CLEC16A: variants seen among roughly 807,000 people sequenced by gnomAD.
CLEC16A encodes the protein C-type lectin domain containing 16A, also known as protein CLEC16A.
A neutral mutation model predicts 109.5 loss-of-function variants in CLEC16A; 51 were observed. The ratio of observed to expected loss-of-function variants is 0.47; its 90% CI spans 0.37 to 0.59. The LOEUF (loss-of-function observed/expected upper bound fraction) is 0.59, where lower values mean the gene tolerates loss of function less well. CLEC16A is among the 20% of genes least tolerant of loss of function. The pLI, the probability that CLEC16A is intolerant of heterozygous loss-of-function variation, is 0.00. For synonymous variants in CLEC16A, 673 were observed against 564.2 expected (o/e 1.19, Z -2.73); for missense variants, 1,339 against 1,394.0 (o/e 0.96, Z 0.63).
chr16:11,112,476 T>C (rs1026006935), intron 19 of CLEC16A, among the ~76,000 whole-genome samples: 11 of 113,784 alleles, frequency 9.7e-5, no homozygotes, highest in African/African-American at 4.0e-4. Flanking sequence ...CTGGACAACA[T>C]AGCAAGATCC....
intron 9 of CLEC16A, among the ~76,000 whole-genome samples, chr16:10,982,568 T>TCTTTC (rs1185207784): frequency 6.6e-6 from 1 of 152,194 alleles, no homozygotes; most frequent in Non-Finnish European, 1.5e-5. Context: ...GTTTGGCTGT[T>TCTTTC]CTTTCCCGCA....
chr16:11,095,098 T>G (rs1245120497), intron 19 of CLEC16A, among the ~76,000 whole-genome samples: 1 of 152,190 alleles, frequency 6.6e-6, no homozygotes, highest in African/African-American at 2.4e-5. Flanking sequence ...TTTTTCTTTT[T>G]TTTTTTAAGT....
At chr16:11,083,838 A>AAG in intron 19 of CLEC16A, among the ~76,000 whole-genome samples, 1 of 152,180 alleles carries the variant, frequency 6.6e-6, no homozygotes, top group Non-Finnish European at 1.5e-5. Flanking sequence ...ACCTGACATG[A>AAG]AGAGTCTGTC....
chr16:11,067,600 G>T (rs947234673), intron 19 of CLEC16A, among the ~76,000 whole-genome samples: 1 of 152,168 alleles, frequency 6.6e-6, no homozygotes, highest in African/African-American at 2.4e-5. Flanking sequence ...AGTGTTCAGG[G>T]TTCTATCTTA....
At chr16:11,075,406 G>C (rs1018461131) in intron 19 of CLEC16A, among the ~76,000 whole-genome samples, 46 of 135,174 alleles carry the variant, frequency 3.4e-4, no homozygotes, top group African/African-American at 8.5e-4. Context: ...GTGTGTGTGT[G>C]TGTGTCTGTG....
At position 10,961,773 on chromosome 16, in the gene CLEC16A, C is replaced by T. The variant is rs1001392230; in HGVS notation, c.210-682C>T. On this transcript the variant is annotated intron_variant, in intron 2 of 23. Transcript: ENST00000409790. This position sits in a 1 kb window ranked among gnomAD's most constrained non-coding sequence, Gnocchi z 4.3. ...CATTTGGTTGTCATATCTCCCCAGCCTCCTCTGTTCCGTGACTCTTTTTTA... is the reference window on the plus strand; with the variant it reads ...CATTTGGTTGTCATATCTCCCCAGCTTCCTCTGTTCCGTGACTCTTTTTTA... 1.3e-5 allele frequency among the ~76,000 whole-genome samples: 2 copies of T among 152,148 alleles called. No individual in the cohort carries two copies. The highest frequency in any genetic ancestry group is 4.8e-5 in the African/African-American group (2 of 41,426).
At chr16:11,079,733 C>T (rs970527088) in intron 19 of CLEC16A, among the ~76,000 whole-genome samples, 1 of 152,178 alleles carries the variant, frequency 6.6e-6, no homozygotes, top group Non-Finnish European at 1.5e-5. Context: ...CTCCGGTTAA[C>T]CTTTAGCCTT....
chr16:11,026,876 C>G (rs2046434931), intron 13 of CLEC16A: 1 of 661,628 alleles, frequency 1.5e-6, no homozygotes, highest in African/African-American at 1.8e-5. Flanking sequence ...TTAGCAGGAC[C>G]TCAATGGCTC....
Position 11,022,337 on chromosome 16 carries a change from CTTT to C in CLEC16A, c.1436+2034_1436+2036del, listed in dbSNP as rs36094157. On this transcript the variant is annotated intron_variant, in intron 12 of 23. Coordinates refer to ENST00000409790, the MANE Select transcript of CLEC16A (RefSeq NM_015226.3). ...GGCCAGAGTCACCATGTCTGGCTAC[CTTT>C]TTTTTTTTTTTTTTTTTTTTTGCAA... Among the ~76,000 whole-genome samples the C allele has an allele frequency of 9.3e-3, 870 of 93,420 alleles. 2 individuals carry two copies. The highest frequency in any genetic ancestry group is 0.041 in the African/African-American group (836 of 20,276). 61.3% of individuals were successfully genotyped at this position (93,420 alleles called of 152,430 possible). A position where few individuals can be genotyped will look rare whatever the true frequency, so the allele number is the denominator to read the frequency against.
chr16:11,008,819 T>C (rs1597021119), intron 11 of CLEC16A, among the ~76,000 whole-genome samples: 1 of 120,880 alleles, frequency 8.3e-6, no homozygotes, highest in Non-Finnish European at 1.7e-5. Context: ...TGACACCCCG[T>C]CTCTACTAAA....
At chr16:11,150,182 A>G (rs2054239234) in intron 22 of CLEC16A, 1 of 152,210 alleles carries the variant, frequency 6.6e-6, no homozygotes. Flanking sequence ...TGTGCCCTAC[A>G]TGGCCTTTTA....
intron 19 of CLEC16A, among the ~76,000 whole-genome samples, chr16:11,065,426 G>A (rs368015984): frequency 6.6e-6 from 1 of 152,274 alleles, no homozygotes; most frequent in South Asian, 2.1e-4. Flanking sequence ...AAATCAATTC[G>A]TGAAGCCCAT....
At chr16:10,973,887 CTTTTTTTTTTTTTTTTTTTT>C (rs569414844) in intron 7 of CLEC16A, among the ~76,000 whole-genome samples, 1,918 of 46,640 alleles carry the variant, frequency 0.041, 62 homozygotes, top group Non-Finnish European at 0.05. Context: ...GGGCTGCTTG[CTTTTTTTTTTTTTTTTTTTT>C]TTTTTTTTTT....
At chr16:11,008,608 CT>C (rs375164138) in intron 11 of CLEC16A, among the ~76,000 whole-genome samples, 15 of 150,750 alleles carry the variant, frequency 1.0e-4, no homozygotes, top group African/African-American at 2.7e-4. Context: ...TCCCTGCTCC[CT>C]TTTTTTTTCC....
intron 22 of CLEC16A, among the ~76,000 whole-genome samples, chr16:11,150,607 C>T (rs1014429834): frequency 3.9e-5 from 6 of 152,222 alleles, no homozygotes; most frequent in African/African-American, 1.4e-4. Flanking sequence ...AAGCACTTCC[C>T]TGTACTGTAA....
intron 19 of CLEC16A, among the ~76,000 whole-genome samples, chr16:11,112,205 T>C (rs189852559): frequency 5.3e-5 from 8 of 152,182 alleles, no homozygotes; most frequent in African/African-American, 1.4e-4. Flanking sequence ...TGCTTGAAAA[T>C]GCACAGTGGA....
At chr16:11,059,640 G>C (rs74760338) in intron 18 of CLEC16A, among the ~76,000 whole-genome samples, 13,219 of 152,198 alleles carry the variant, frequency 0.087, 627 homozygotes, top group East Asian at 0.12. Context: ...CCTAGGTCCA[G>C]ACTGCAGCCT....
At chr16:10,993,223 A>T (rs1413941293) in intron 10 of CLEC16A, among the ~76,000 whole-genome samples, 1 of 151,600 alleles carries the variant, frequency 6.6e-6, no homozygotes, top group African/African-American at 2.4e-5. Context: ...TCAAAAAAAT[A>T]CAAAAATTAA....
chr16:11,015,040 A>G (rs2045659021), intron 11 of CLEC16A, among the ~76,000 whole-genome samples: 1 of 152,214 alleles, frequency 6.6e-6, no homozygotes, highest in African/African-American at 2.4e-5. Flanking sequence ...AGCACTTTGC[A>G]TAGAGCTTCA....
Sources: allele counts gnomAD v4.1 joint callset (sites outside exome capture counted in the v4.1 genomes callset), GRCh38; gene constraint gnomAD v4.1.1; non-coding constraint Gnocchi (gnomAD v3.1); transcripts MANE v1.5; gene names NCBI Gene and HGNC (gene_info 2026-07-23, HGNC 2026-07-21).